Variants in EIF3K observed in about 807,000 individuals in gnomAD.
EIF3K encodes eIF-3 p28.
In EIF3K, 27 loss-of-function variants were observed where a neutral mutation model predicts 34.2. That is an observed-to-expected ratio of 0.79 (90% CI 0.58 to 1.09). The LOEUF is 1.09. Ranked by LOEUF, EIF3K falls within the 50% of genes least tolerant of loss-of-function variation. EIF3K has a pLI of 0.00. For missense variants in EIF3K, 232 were observed against 275.4 expected, an observed-to-expected ratio of 0.84 and a Z score of 1.11; for synonymous variants, 105 against 105.7, an observed-to-expected ratio of 0.99 and a Z score of 0.04.
chr19:38,626,455 A>G (rs375510919), intron 4 of EIF3K: 17 of 259,234 alleles, frequency 6.6e-5, no homozygotes, highest in Middle Eastern at 1.2e-3. Context: ...GGAGTTCCAG[A>G]CCAGCCTGAG....
chr19:38,621,023 G>A (rs76351962), intron 2 of EIF3K, among the ~76,000 whole-genome samples: 312 of 152,012 alleles, frequency 2.1e-3, no homozygotes, highest in African/African-American at 7.0e-3. Flanking sequence ...GCAACATAGC[G>A]AGACCCAACC....
At chr19:38,635,454 C>T in intron 7 of EIF3K, 1 of 405,122 alleles carries the variant, frequency 2.5e-6, no homozygotes, top group East Asian at 3.6e-5. Flanking sequence ...TTGGGGTGCC[C>T]AAGCCTCATG....
intron 2 of EIF3K, among the ~76,000 whole-genome samples, chr19:38,621,192 C>CT (rs1474888901): frequency 3.7e-5 from 5 of 135,462 alleles, no homozygotes; most frequent in East Asian, 2.1e-4. Context: ...TGAGACCCCT[C>CT]TTTTTAAAAA....
At chr19:38,632,767 T>C (rs2144780618) in intron 6 of EIF3K, 89 bp downstream of exon 6, 3 of 1,269,382 alleles carry the variant, frequency 2.4e-6, no homozygotes, top group South Asian at 2.9e-5. Context: ...CAGGCCTGTC[T>C]GGGTCTCATC....
chr19:38,633,464 G>A (rs913584695), intron 6 of EIF3K, among the ~76,000 whole-genome samples: 1 of 152,186 alleles, frequency 6.6e-6, no homozygotes, highest in Admixed American at 6.5e-5. Flanking sequence ...TTGGGAGGCC[G>A]AGGTGGGCGG....
At chr19:38,634,090 CTTTTTTT>C (rs757394196) in intron 6 of EIF3K, among the ~76,000 whole-genome samples, 3 of 86,074 alleles carry the variant, frequency 3.5e-5, no homozygotes, top group African/African-American at 1.1e-4. Context: ...TAAAAGCTAA[CTTTTTTT>C]TTTTTTTTTT....
At position 38,632,629 on chromosome 19, in the gene EIF3K, C is replaced by T; in HGVS notation, c.450C>T (p.Tyr150=). The T allele has an allele frequency of 6.2e-7, 1 of 1,613,978 alleles. No homozygotes were observed. The highest frequency in any genetic ancestry group is 2.2e-5 in the East Asian group (1 of 44,888). Residue 150 remains tyrosine, a synonymous_variant, in exon 6 of 8, where the codon TAC becomes TAT. Coordinates refer to ENST00000248342, the MANE Select transcript of EIF3K (RefSeq NM_013234.4). ...KFICHVVGIT[Y]QHIDRWLLAE... The stretch of plus-strand genomic sequence containing the variant: ...TCTGCCATGTTGTGGGTATCACTTA[C>T]CAGCACATTGACCGCTGGCTGCTGG...
chr19:38,626,037 C>T lies in EIF3K; in HGVS notation c.289C>T (p.Arg97Trp), dbSNP rs1180849987. Reference protein sequence around the residue: ...CMIDQAHQEERPIRQILYLGD... With the variant: ...CMIDQAHQEEWPIRQILYLGD... ...TGCTTCCTCCTCCCAGCAAGAAGAA[C>T]GGCCAATCCGACAGATTTTGTACCT... Residue 97 changes from arginine (R) to tryptophan (W), a missense_variant, in exon 4 of 8, where the codon CGG (arginine) becomes TGG (tryptophan). Physicochemically the swap from Arg to Trp is moderately radical, Grantham distance 101. Transcript: ENST00000248342. The T allele has an allele frequency of 6.8e-6, 11 of 1,614,032 alleles. No homozygotes were observed. Among genetic ancestry groups the T allele is most frequent in the South Asian group, 1.1e-5 (1 of 91,078 alleles).
chr19:38,633,292 A>G (rs529838424), intron 6 of EIF3K, among the ~76,000 whole-genome samples: 8 of 152,294 alleles, frequency 5.3e-5, no homozygotes, highest in Admixed American at 1.3e-4. Flanking sequence ...GGCTCTGAGC[A>G]GGGTAGGGCT....
Position 38,636,936 on chromosome 19 carries a change from A to G in EIF3K, c.*16A>G. The G allele has an allele frequency of 6.2e-7, 1 of 1,614,014 alleles. No individual in the cohort carries two copies. The highest frequency in any genetic ancestry group is 8.5e-7 in the Non-Finnish European group (1 of 1,179,962). ...CTCCCAGTAACTTCAGGTGTTTAAT[A>G]AAGATGTGTTGACTCAGCCCTACTG... On this transcript the variant is annotated 3_prime_UTR_variant, in exon 8 of 8. Coordinates refer to ENST00000248342, the MANE Select transcript of EIF3K (RefSeq NM_013234.4).
chr19:38,627,412 C>G (rs1975972115), intron 4 of EIF3K, among the ~76,000 whole-genome samples: 2 of 151,932 alleles, frequency 1.3e-5, no homozygotes, highest in African/African-American at 2.4e-5. Flanking sequence ...CGCCTGTAAT[C>G]CCAGCACTTT....
At chr19:38,622,172 C>T (rs892365168) in intron 2 of EIF3K, among the ~76,000 whole-genome samples, 2 of 150,030 alleles carry the variant, frequency 1.3e-5, no homozygotes, top group African/African-American at 4.9e-5. Flanking sequence ...ATCTCATGAT[C>T]TCAACTCAGT....
intron 4 of EIF3K, among the ~76,000 whole-genome samples, chr19:38,631,283 G>A (rs1035097890): frequency 6.6e-6 from 1 of 152,152 alleles, no homozygotes; most frequent in Non-Finnish European, 1.5e-5. Context: ...GGATCCCACC[G>A]GCCTCTGAGT....
intron 4 of EIF3K, among the ~76,000 whole-genome samples, chr19:38,630,126 A>G (rs1166462543): frequency 6.6e-6 from 1 of 150,630 alleles, no homozygotes; most frequent in Non-Finnish European, 1.5e-5. Context: ...TGGCTATAGC[A>G]TGTGGGGTCA....
In EIF3K at chr19:38,619,419, T is replaced by A. The variant is rs1234617286; in HGVS notation, c.59+92T>A. 2.8e-6 allele frequency: 4 copies of A among 1,432,938 alleles called. No homozygotes were observed. The African/African-American group carries it at 5.7e-5, about 20-fold the overall frequency. The allele number at this position is 1,432,938 out of a possible 1,614,324, so 88.8% of individuals were successfully genotyped here. A position where few individuals can be genotyped will look rare whatever the true frequency, so the allele number is the denominator to read the frequency against. Reference sequence around the variant, plus strand: ...CAAGGGGTGTTCAGGGTCCTGGGCTTGCCGCGGGGTGGGGTTTCTCTATCC... The same window carrying A: ...CAAGGGGTGTTCAGGGTCCTGGGCTAGCCGCGGGGTGGGGTTTCTCTATCC... On this transcript the variant is annotated intron_variant, in intron 1 of 7. Coordinates refer to ENST00000248342, the MANE Select transcript of EIF3K (RefSeq NM_013234.4).
At chr19:38,619,847 C>A (rs1266732668) in intron 1 of EIF3K, among the ~76,000 whole-genome samples, 2 of 152,182 alleles carry the variant, frequency 1.3e-5, no homozygotes, top group Non-Finnish European at 1.5e-5. Context: ...GGTCTGAGTT[C>A]CCTTTCCATA....
At chr19:38,631,576 C>G (rs1392703284) in intron 4 of EIF3K, among the ~76,000 whole-genome samples, 1 of 152,238 alleles carries the variant, frequency 6.6e-6, no homozygotes, top group African/African-American at 2.4e-5. Context: ...TTACACGAGA[C>G]ATTCCATTGC....
intron 7 of EIF3K, 167 bp downstream of exon 7, chr19:38,635,285 G>A: frequency 1.1e-6 from 1 of 930,308 alleles, no homozygotes; most frequent in Non-Finnish European, 1.6e-6. Flanking sequence ...CCGCCCAGGA[G>A]GAATAGCGGG....
intron 7 of EIF3K, 111 bp from the exon 8 acceptor site, chr19:38,636,778 C>A: frequency 8.0e-7 from 1 of 1,256,486 alleles, no homozygotes; most frequent in Non-Finnish European, 1.2e-6. Context: ...GTAACTGGGG[C>A]CTGGAAGGAG....
Sources: allele counts gnomAD v4.1 joint callset (sites outside exome capture counted in the v4.1 genomes callset), GRCh38; gene constraint gnomAD v4.1.1; transcripts MANE v1.5; gene names NCBI Gene and HGNC (gene_info 2026-07-23, HGNC 2026-07-21).